Variants in MAPRE1 observed in about 807,000 individuals in gnomAD.
The protein encoded by MAPRE1 is microtubule-associated protein RP/EB family member 1.
Under a neutral mutation model 32.1 loss-of-function variants are expected in MAPRE1, and 5 were observed. The ratio of observed to expected loss-of-function variants is 0.16; its 90% CI spans 0.08 to 0.33. The LOEUF is 0.33. MAPRE1 is among the 10% of genes least tolerant of loss of function. The probability of loss-of-function intolerance (pLI) is 1.00; values close to 1 mark genes in which losing one functional copy is unlikely to be tolerated. For missense variants in MAPRE1, 209 were observed against 327.2 expected, an observed-to-expected ratio of 0.64 and a Z score of 2.79; for synonymous variants, 122 against 118.9, an observed-to-expected ratio of 1.03 and a Z score of -0.17.
chr20:32,845,677 C>G (rs1457452553), intron 5 of MAPRE1, among the ~76,000 whole-genome samples: 1 of 152,064 alleles, frequency 6.6e-6, no homozygotes, highest in Non-Finnish European at 1.5e-5. Flanking sequence ...AAGATGGAGC[C>G]TTGCTATGTT....
At chr20:32,834,446 C>G (rs1983128351) in intron 3 of MAPRE1, among the ~76,000 whole-genome samples, 1 of 152,132 alleles carries the variant, frequency 6.6e-6, no homozygotes, top group Non-Finnish European at 1.5e-5. Context: ...ATGTTTAGCA[C>G]AAATATTACC....
intron 6 of MAPRE1, among the ~76,000 whole-genome samples, chr20:32,847,222 C>T (rs1041788229): frequency 2.6e-5 from 4 of 152,208 alleles, no homozygotes; most frequent in Non-Finnish European, 4.4e-5. Flanking sequence ...TCTCCTCCCT[C>T]CTAGGAGTTT....
chr20:32,836,516 G>A, intron 3 of MAPRE1, 118 bp from the exon 4 acceptor site: 1 of 650,218 alleles, frequency 1.5e-6, no homozygotes. Flanking sequence ...TAGCCCTAAG[G>A]TCTCTAAAAT....
In MAPRE1 at chr20:32,830,759, C is replaced by T. The variant is rs1330276534; in HGVS notation, c.122-2958C>T. Among the ~76,000 whole-genome samples the T allele has an allele frequency of 8.5e-5, 12 of 141,904 alleles. No homozygotes were observed. The East Asian group carries it at 2.1e-3, about 25-fold the overall frequency. 93.1% of individuals were successfully genotyped at this position (141,904 alleles called of 152,430 possible). On this transcript the variant is annotated intron_variant, in intron 2 of 6. Transcript: ENST00000375571. ...TCAAACTTTTTTTTTTTTTTTGAGG[C>T]GGAGTCTCGCTCTGTTGCCCAGGCT...
At chr20:32,831,963 A>AC (rs1323994492) in intron 2 of MAPRE1, among the ~76,000 whole-genome samples, 1 of 151,732 alleles carries the variant, frequency 6.6e-6, no homozygotes, top group African/African-American at 2.4e-5. Context: ...AAAAAAAAAA[A>AC]ACAAAAGAAT....
Position 32,833,759 on chromosome 20 carries a change from C to G in MAPRE1, c.164C>G (p.Ser55Cys), listed in dbSNP as rs752362583. 6.2e-7 allele frequency: 1 copy of G among 1,613,972 alleles called. No individual in the cohort carries two copies. Among genetic ancestry groups the G allele is most frequent in the South Asian group, 1.1e-5 (1 of 91,074 alleles). ...CQFMDMLFPG[S>C]IALKKVKFQA... ...TTTATGGACATGCTGTTCCCTGGCT[C>G]CATTGCCTTGAAGAAAGTGAAATTC... Residue 55 changes from serine to cysteine, a missense_variant, in exon 3 of 7, where the codon TCC becomes TGC. By Grantham distance (112) the Ser-to-Cys change is moderately radical (BLOSUM62 -1). Transcript: ENST00000375571.
intron 2 of MAPRE1, among the ~76,000 whole-genome samples, chr20:32,833,024 G>T (rs1480549879): frequency 6.6e-6 from 1 of 151,782 alleles, no homozygotes; most frequent in African/African-American, 2.4e-5. Flanking sequence ...TGACGGGTTG[G>T]CTGGGTGCTC....
Position 32,841,786 on chromosome 20 carries a change from C to A in MAPRE1, c.597+1930C>A, listed in dbSNP as rs371984402. Among the ~76,000 whole-genome samples, 37 of 152,226 alleles carry A rather than the reference C, an allele frequency of 2.4e-4. 1 individual carries two copies. The South Asian group carries it at 7.0e-3, about 29-fold the overall frequency. ...GTTAACTTCTATCTGGACAAGTCAG[C>A]CTCTCTGAACTTACTGCCTCACGTG... On this transcript the variant is annotated intron_variant, in intron 5 of 6. Transcript: ENST00000375571.
chr20:32,840,010 A>G lies in MAPRE1; in HGVS notation c.597+154A>G, dbSNP rs574929104. Among the ~76,000 whole-genome samples, 12 of 152,292 alleles carry G rather than the reference A, an allele frequency of 7.9e-5. 1 individual carries two copies. In the South Asian group the frequency reaches 2.1e-3, roughly 26 times the overall value. ...GAGCCTCAGGTGCTGTGCGGGGAGC[A>G]TGAACGTGGAGATGTAAGAGAGAGA... is the stretch of plus-strand genomic sequence containing the variant. On this transcript the variant is annotated intron_variant, in intron 5 of 6. Coordinates refer to ENST00000375571, the MANE Select transcript of MAPRE1 (RefSeq NM_012325.3).
chr20:32,840,055 C>T (rs1478751475), intron 5 of MAPRE1, among the ~76,000 whole-genome samples, 199 bp downstream of exon 5: 1 of 152,184 alleles, frequency 6.6e-6, no homozygotes, highest in African/African-American at 2.4e-5. Flanking sequence ...CCTGGGCTCT[C>T]TTAGTGTGGC....
rs371732896 is a variant in MAPRE1 at position 32,839,773 on chromosome 20, G to T, written c.514G>T (p.Ala172Ser). Residue 172 changes from alanine to serine, a missense_variant, in exon 5 of 7, where the codon GCT (alanine) becomes TCT (serine). Coordinates refer to ENST00000375571, the MANE Select transcript of MAPRE1 (RefSeq NM_012325.3). ...CATCTCAACACAGAGAACCGCTGCG[G>T]CTCCTAAGGCTGGCCCTGGTGTGGT... ...RPISTQRTAA[A>S]PKAGPGVVRK... 1 of 1,614,194 alleles carries T rather than the reference G, an allele frequency of 6.2e-7. No individual in the cohort carries two copies. Among genetic ancestry groups the T allele is most frequent in the Non-Finnish European group, 8.5e-7 (1 of 1,180,040 alleles).
At chr20:32,845,886 C>T (rs1339988715) in intron 5 of MAPRE1, among the ~76,000 whole-genome samples, 1 of 152,078 alleles carries the variant, frequency 6.6e-6, no homozygotes, top group Non-Finnish European at 1.5e-5. Context: ...AGTGGCTGTA[C>T]CTTTGATTTT....
chr20:32,820,085 G>A (rs956250416), intron 1 of MAPRE1, 57 bp downstream of exon 1: 1 of 152,060 alleles, frequency 6.6e-6, no homozygotes, highest in African/African-American at 2.4e-5. Flanking sequence ...CGTGGGCCAA[G>A]GCCGGGCGTG....
intron 2 of MAPRE1, among the ~76,000 whole-genome samples, chr20:32,828,022 G>A (rs546496110): frequency 4.0e-5 from 6 of 149,096 alleles, no homozygotes; most frequent in African/African-American, 1.5e-4. Flanking sequence ...GACTTGTCTT[G>A]TTATTTCCTT....
intron 2 of MAPRE1, 28 bp downstream of exon 2, chr20:32,826,076 C>G: frequency 6.4e-7 from 1 of 1,559,650 alleles, no homozygotes; most frequent in Non-Finnish European, 8.8e-7. Flanking sequence ...GATCATTTTT[C>G]TAGGAAAGCC....
At position 32,833,757 on chromosome 20, in the gene MAPRE1, C is replaced by G. The variant is rs1422119098; in HGVS notation, c.162C>G (p.Gly54=). Residue 54 remains glycine (G), a synonymous_variant, in exon 3 of 7, where the codon GGC becomes GGG. Coordinates refer to ENST00000375571, the MANE Select transcript of MAPRE1 (RefSeq NM_012325.3). ...AGTTTATGGACATGCTGTTCCCTGG[C>G]TCCATTGCCTTGAAGAAAGTGAAAT... The part of the protein sequence containing the change: ...YCQFMDMLFP[G]SIALKKVKFQ... 1.2e-6 allele frequency: 2 copies of G among 1,613,852 alleles called. No homozygotes were observed. The highest frequency in any genetic ancestry group is 2.2e-5 in the East Asian group (1 of 44,886).
Position 32,836,618 on chromosome 20 carries a change from T to C in MAPRE1, c.268-16T>C. The C allele has an allele frequency of 2.6e-6, 4 of 1,525,250 alleles. No homozygotes were observed. Among genetic ancestry groups the C allele is most frequent in the Non-Finnish European group, 3.6e-6 (4 of 1,101,598 alleles). The allele number at this position is 1,525,250 out of a possible 1,614,324, so 94.5% of individuals were successfully genotyped here. On this transcript the variant is annotated splice_polypyrimidine_tract_variant and intron_variant, in intron 3 of 6. Coordinates refer to ENST00000375571, the MANE Select transcript of MAPRE1 (RefSeq NM_012325.3). Reference sequence around the variant, plus strand: ...AAGCCTCTTTTTTGGGGCTAAACAGTTGTTTTTCTCTGCAGATAATTCCTG... The same window carrying C: ...AAGCCTCTTTTTTGGGGCTAAACAGCTGTTTTTCTCTGCAGATAATTCCTG...
intron 5 of MAPRE1, among the ~76,000 whole-genome samples, chr20:32,844,230 A>AT (rs1601172200): frequency 6.6e-6 from 1 of 151,864 alleles, no homozygotes; most frequent in Non-Finnish European, 1.5e-5. Context: ...CTTAGTATAT[A>AT]TTTTTTTAGT....
At chr20:32,843,380 G>A (rs1443444357) in intron 5 of MAPRE1, 1 of 152,172 alleles carries the variant, frequency 6.6e-6, no homozygotes, top group African/African-American at 2.4e-5. Context: ...GATCTGCAAA[G>A]ATTCTACATT....
Sources: gnomAD v4.1 joint callset for allele counts (sites outside exome capture counted in the v4.1 genomes callset) on GRCh38, gnomAD v4.1.1 for gene constraint, MANE v1.5 for transcripts, NCBI Gene and HGNC (gene_info 2026-07-23, HGNC 2026-07-21) for gene names.